Variants in FAM117A observed in about 807,000 individuals in gnomAD.
FAM117A encodes the protein family with sequence similarity 117 member A.
A neutral mutation model predicts 44.1 loss-of-function variants in FAM117A; 21 were observed. That is an observed-to-expected ratio of 0.48 (90% CI 0.34 to 0.69). FAM117A has a LOEUF of 0.69. FAM117A is among the 30% of genes least tolerant of loss of function. FAM117A has a pLI of 0.01. For synonymous variants in FAM117A, 220 were observed against 238.3 expected (o/e 0.92, Z 0.71); for missense variants, 498 against 589.9 (o/e 0.84, Z 1.61).
At position 49,774,304 on chromosome 17, in the gene FAM117A, C is replaced by A. The variant is rs866165271; in HGVS notation, c.-621+14193G>T. Among the ~76,000 whole-genome samples, 4 of 151,928 alleles carry A rather than the reference C, an allele frequency of 2.6e-5. No individual in the cohort carries two copies. In the South Asian group the frequency reaches 8.3e-4, roughly 32 times the overall value. On this transcript the variant is annotated intron_variant, in intron 1 of 7. Coordinates refer to the FAM117A transcript ENST00000513602. ...GCTGGGACTACAGGCAGTCGCCACA[C>A]CTGGCTAATTTTTGTATTTTTTGTA... is the stretch of plus-strand genomic sequence containing the variant.
At chr17:49,782,682 T>C (rs1051749192) in intron 1 of FAM117A, among the ~76,000 whole-genome samples, 7 of 132,390 alleles carry the variant, frequency 5.3e-5, no homozygotes, top group African/African-American at 1.2e-4. Context: ...AGAGCTAGAC[T>C]TTGTCTCAAA....
At chr17:49,741,908 C>T (rs973310965) in intron 1 of FAM117A, among the ~76,000 whole-genome samples, 22 of 152,016 alleles carry the variant, frequency 1.4e-4, no homozygotes, top group African/African-American at 4.8e-4. Flanking sequence ...CTGAAATTTC[C>T]AATATGACTG....
intron 1 of FAM117A, among the ~76,000 whole-genome samples, chr17:49,762,909 TAGTTTCCCC>T (rs2073727701): frequency 6.6e-6 from 1 of 152,180 alleles, no homozygotes; most frequent in African/African-American, 2.4e-5. Context: ...TGCTTCTCCC[TAGTTTCCCC>T]ACAGCCACCA....
chr17:49,782,514 A>G (rs2073792763), intron 1 of FAM117A, among the ~76,000 whole-genome samples: 1 of 151,420 alleles, frequency 6.6e-6, no homozygotes, highest in Non-Finnish European at 1.5e-5. Context: ...ACATGGTGAA[A>G]TGCTGTCTCT....
intron 7 of FAM117A, among the ~76,000 whole-genome samples, chr17:49,712,697 T>C (rs1467820442): frequency 6.6e-6 from 1 of 152,052 alleles, no homozygotes; most frequent in African/African-American, 2.4e-5. Context: ...TTTTATTTTG[T>C]AGAGAAGGGG....
intron 1 of FAM117A, among the ~76,000 whole-genome samples, chr17:49,737,335 G>A (rs1165286531): frequency 6.6e-6 from 1 of 152,204 alleles, no homozygotes. Flanking sequence ...CCAAAATGCT[G>A]TCCTACGGGC....
Position 49,717,584 on chromosome 17 carries a change from G to C in FAM117A, c.839C>G (p.Pro280Arg), listed in dbSNP as rs1368818397. 1 of 1,614,196 alleles carries C rather than the reference G, an allele frequency of 6.2e-7. No individual in the cohort carries two copies. Among genetic ancestry groups the C allele is most frequent in the Admixed American group, 1.7e-5 (1 of 60,032 alleles). The change falls in exon 6 of 8, where the codon CCT becomes CGT. Residue 280 changes from proline to arginine, a missense_variant. By Grantham distance (103) the Pro-to-Arg change is moderately radical. Around this residue, in one of 3 missense-constraint regions of FAM117A, gnomAD observed 224 missense variants for 296.5 expected, o/e 0.76. Transcript: ENST00000240364. ...TTCCTCATGACTGGCCAGGCCACAA[G>C]GCTGGGGAGATGCCAAGGACATGGA... ...SPSMSLASPQ[P>R]CGLASHEEHR... is the part of the protein sequence containing the mutation.
chr17:49,731,352 G>A (rs1240856790), intron 2 of FAM117A, among the ~76,000 whole-genome samples: 1 of 152,188 alleles, frequency 6.6e-6, no homozygotes, highest in Non-Finnish European at 1.5e-5. Flanking sequence ...ACAAGAGTGC[G>A]TTTAAACTGC....
At chr17:49,732,758 A>G in intron 1 of FAM117A, 38 bp from the exon 2 acceptor site, 2 of 1,597,432 alleles carry the variant, frequency 1.3e-6, no homozygotes, top group Non-Finnish European at 1.7e-6. Flanking sequence ...TGCCATCAGC[A>G]TGGAGGAAGG....
At chr17:49,756,033 C>T (rs2073697363) in intron 1 of FAM117A, among the ~76,000 whole-genome samples, 2 of 151,976 alleles carry the variant, frequency 1.3e-5, no homozygotes, top group African/African-American at 4.8e-5. Flanking sequence ...TTCCAGTATA[C>T]GGCAGAAGGG....
At chr17:49,762,744 G>C (rs1456712800) in intron 1 of FAM117A, among the ~76,000 whole-genome samples, 1 of 152,218 alleles carries the variant, frequency 6.6e-6, no homozygotes, top group African/African-American at 2.4e-5. Flanking sequence ...CTTTGGAAGT[G>C]TGCAATGATC....
chr17:49,751,793 A>C (rs1418412212), intron 1 of FAM117A, among the ~76,000 whole-genome samples: 1 of 149,430 alleles, frequency 6.7e-6, no homozygotes, highest in Non-Finnish European at 1.5e-5. Flanking sequence ...AAATACAAAA[A>C]AATTAGCCGG....
chr17:49,784,614 C>G (rs550764317), intron 1 of FAM117A, among the ~76,000 whole-genome samples: 37 of 152,158 alleles, frequency 2.4e-4, no homozygotes, highest in Non-Finnish European at 4.0e-4. Flanking sequence ...CATGGAAAAC[C>G]CTTATATTGT....
At chr17:49,753,166 A>G (rs969564292) in intron 1 of FAM117A, among the ~76,000 whole-genome samples, 59 of 152,216 alleles carry the variant, frequency 3.9e-4, no homozygotes, top group Admixed American at 2.6e-3. Flanking sequence ...CCCGGCCCCA[A>G]TTCTCTTTTG....
chr17:49,734,430 A>T (rs1265961365), intron 1 of FAM117A, among the ~76,000 whole-genome samples: 1 of 151,036 alleles, frequency 6.6e-6, no homozygotes, highest in Non-Finnish European at 1.5e-5. Context: ...GTCTCTAAAA[A>T]CAAAAAAAAA....
At chr17:49,770,269 CAAAAAAAAAA>C (rs57966452) in intron 1 of FAM117A, among the ~76,000 whole-genome samples, 5 of 69,820 alleles carry the variant, frequency 7.2e-5, no homozygotes, top group East Asian at 3.9e-4. Context: ...GACTCTGTAT[CAAAAAAAAAA>C]AAAAAAAAAA....
At chr17:49,716,571 C>G (rs1032004966) in intron 6 of FAM117A, among the ~76,000 whole-genome samples, 1 of 152,046 alleles carries the variant, frequency 6.6e-6, no homozygotes, top group Non-Finnish European at 1.5e-5. Flanking sequence ...TTCTATATTC[C>G]CAGGAGGTAG....
At chr17:49,742,587 A>G (rs973567763) in intron 1 of FAM117A, among the ~76,000 whole-genome samples, 1 of 152,186 alleles carries the variant, frequency 6.6e-6, no homozygotes, top group African/African-American at 2.4e-5. Context: ...TGATTGGAAC[A>G]TACTTTCCTT....
In FAM117A at chr17:49,782,745, T is replaced by C. The variant is rs574816671; in HGVS notation, c.-621+5752A>G. 3.9e-5 allele frequency among the ~76,000 whole-genome samples: 6 copies of C among 152,170 alleles called. No homozygotes were observed. The South Asian group carries it at 1.2e-3, about 32-fold the overall frequency. On this transcript the variant is annotated intron_variant, in intron 1 of 7. Coordinates refer to the FAM117A transcript ENST00000513602. ...GGCGGCAATGAGATTAAGGATGTCT[T>C]TTATTTTCCTCAAATTTTCATTTAG...
Sources: allele counts gnomAD v4.1 joint callset (sites outside exome capture counted in the v4.1 genomes callset), GRCh38; gene constraint gnomAD v4.1.1; regional missense constraint gnomAD v4.1.1; transcripts MANE v1.5; gene names NCBI Gene and HGNC (gene_info 2026-07-23, HGNC 2026-07-21).